The following TIGD1 variants were observed in gnomAD, a reference collection of about 807,000 sequenced individuals.
The protein encoded by TIGD1 is tigger transposable element-derived protein 1.
Under a neutral mutation model 21.3 loss-of-function variants are expected in TIGD1, and 20 were observed. The observed-to-expected ratio is 0.94, with a 90% CI of 0.66 to 1.36. The LOEUF (loss-of-function observed/expected upper bound fraction) is 1.36. Among genes scored for constraint, TIGD1 ranks in the 40% most tolerant of loss-of-function variants. The probability of loss-of-function intolerance (pLI) is 0.00; values close to 1 mark genes in which losing one functional copy is unlikely to be tolerated. For synonymous variants in TIGD1, 177 were observed against 123.2 expected, an observed-to-expected ratio of 1.44 and a Z score of -2.89; for missense variants, 556 against 350.5, an observed-to-expected ratio of 1.59 and a Z score of -4.68.
chr2:232,548,522 G>A lies in TIGD1; in HGVS notation c.1361C>T (p.Thr454Ile), dbSNP rs1324901229. Residue 454 changes from threonine to isoleucine, a missense_variant, in exon 1 of 1, where the codon ACT (threonine) becomes ATT (isoleucine). Physicochemically the swap from Thr to Ile is moderately conservative, Grantham distance 89 (BLOSUM62 -1). Transcript: ENST00000408957. ...AAGAAACAACTCCTCATCTGTTAAA[G>A]TTTTATCATGAGATTGCAGCAATTC... ...VTELLQSHDKTLTDEELFLMD... is the reference protein window; with the variant it reads ...VTELLQSHDKILTDEELFLMD... The A allele has an allele frequency of 1.5e-6, 1 of 650,056 alleles. No individual in the cohort carries two copies. Among genetic ancestry groups the A allele is most frequent in the South Asian group, 1.7e-5 (1 of 57,170 alleles). 40.3% of individuals were successfully genotyped at this position (650,056 alleles called of 1,614,324 possible). A position where few individuals can be genotyped will look rare whatever the true frequency, so the allele number is the denominator to read the frequency against.
chr2:232,545,524 A>C lies in TIGD1; in HGVS notation c.*2583T>G. The stretch of plus-strand genomic sequence containing the variant: ...CTGGTGCCGCCGCTGGTTATCCCAC[A>C]CCTGCCTCCCACCCTCAGGGGAATG... On this transcript the variant is annotated 3_prime_UTR_variant, in exon 1 of 1. Coordinates refer to ENST00000408957, the MANE Select transcript of TIGD1 (RefSeq NM_145702.4). The C allele has an allele frequency of 6.2e-7, 1 of 1,612,146 alleles. No homozygotes were observed. Among genetic ancestry groups the C allele is most frequent in the Non-Finnish European group, 8.5e-7 (1 of 1,179,434 alleles).
chr2:232,550,531 G>A lies in TIGD1; in HGVS notation c.-649C>T. The stretch of plus-strand genomic sequence containing the variant: ...GAGGCAGAACTGAGGCCAGCAGCCA[G>A]CTCCGCCGCTGAGTCCAGCCCTCTG... On this transcript the variant is annotated 5_prime_UTR_variant, in exon 1 of 1. Transcript: ENST00000408957. The A allele has an allele frequency of 1.5e-6, 1 of 670,292 alleles. No individual in the cohort carries two copies. The highest frequency in any genetic ancestry group is 2.6e-6 in the Non-Finnish European group (1 of 391,972). 41.5% of individuals were successfully genotyped at this position (670,292 alleles called of 1,614,324 possible).
chr2:232,550,473 T>TA lies in TIGD1; in HGVS notation c.-592dup. On this transcript the variant is annotated 5_prime_UTR_variant, in exon 1 of 1. Transcript: ENST00000408957. ...GGGAGGGGGCCAGGACACGCTCCCT[T>TA]AGGAGAGCGGGCGGGTCACAAGGAC... 2 of 546,892 alleles carry TA rather than the reference T, an allele frequency of 3.7e-6. No homozygotes were observed. Among genetic ancestry groups the TA allele is most frequent in the East Asian group, 7.0e-5 (2 of 28,592 alleles). The allele number at this position is 546,892 out of a possible 1,614,324, so 33.9% of individuals were successfully genotyped here. A position where few individuals can be genotyped will look rare whatever the true frequency, so the allele number is the denominator to read the frequency against.
At position 232,550,552 on chromosome 2, in the gene TIGD1, C is replaced by A; in HGVS notation, c.-670G>T. On this transcript the variant is annotated 5_prime_UTR_variant, in exon 1 of 1. It adds an upstream start codon to the 5' untranslated region. Transcript: ENST00000408957. ...GCCAGCTCCGCCGCTGAGTCCAGCCCTCTGCGCAGCCGCCCTGAGCTGGCG... is the reference window on the plus strand; with the variant it reads ...GCCAGCTCCGCCGCTGAGTCCAGCCATCTGCGCAGCCGCCCTGAGCTGGCG... 1.2e-6 allele frequency: 1 copy of A among 842,482 alleles called. No individual in the cohort carries two copies. Among genetic ancestry groups the A allele is most frequent in the South Asian group, 1.5e-5 (1 of 65,630 alleles). The allele number at this position is 842,482 out of a possible 1,614,324, so 52.2% of individuals were successfully genotyped here.
At position 232,548,074 on chromosome 2, in the gene TIGD1, T is replaced by G. The variant is rs1019134101; in HGVS notation, c.*33A>C. On this transcript the variant is annotated 3_prime_UTR_variant, in exon 1 of 1. Transcript: ENST00000408957. ...ATAAAACAATATACATACCTAAATT[T>G]AAAAATACTTTATTGCTAAAAAATG... 5.6e-5 allele frequency: 34 copies of G among 605,088 alleles called. No individual in the cohort carries two copies. Among genetic ancestry groups the G allele is most frequent in the Admixed American group, 4.9e-4 (14 of 28,852 alleles). The allele number at this position is 605,088 out of a possible 1,614,324, so 37.5% of individuals were successfully genotyped here. A position where few individuals can be genotyped will look rare whatever the true frequency, so the allele number is the denominator to read the frequency against.
chr2:232,548,112 C>A lies in TIGD1; in HGVS notation c.1771G>T (p.Asp591Tyr). The A allele has an allele frequency of 1.3e-6, 1 of 742,626 alleles. No individual in the cohort carries two copies. The highest frequency in any genetic ancestry group is 2.1e-6 in the Non-Finnish European group (1 of 473,798). 46.0% of individuals were successfully genotyped at this position (742,626 alleles called of 1,614,324 possible). The change falls in exon 1 of 1, where the codon GAT becomes TAT. Residue 591 changes from aspartate (D) to tyrosine (Y), a missense_variant. Transcript: ENST00000408957. ...TTGCTAAAAAATGCTGATTATCAAT[C>A]TGAGCCTTCGGTGAGTCGTACTCTT... ...AKRVRLTEGS[D>Y] is the part of the protein sequence containing the mutation.
In TIGD1 at chr2:232,549,345, T is replaced by C. The variant is rs1692218558; in HGVS notation, c.538A>G (p.Lys180Glu). The part of the protein sequence containing the change: ...AKIIDEGGYT[K>E]QQIFNVDETA... The stretch of plus-strand genomic sequence containing the variant: ...TCATCTACATTGAAAATCTGTTGTT[T>C]AGTGTAGCCACCTTCGTCAATGATC... The change falls in exon 1 of 1, where the codon AAA becomes GAA. Residue 180 changes from lysine (K) to glutamate (E), a missense_variant. Coordinates refer to ENST00000408957, the MANE Select transcript of TIGD1 (RefSeq NM_145702.4). 1.5e-6 allele frequency: 1 copy of C among 654,276 alleles called. No individual in the cohort carries two copies. Among genetic ancestry groups the C allele is most frequent in the Non-Finnish European group, 2.7e-6 (1 of 364,728 alleles). 40.5% of individuals were successfully genotyped at this position (654,276 alleles called of 1,614,324 possible).
In TIGD1 at chr2:232,550,308, CA is replaced by C. The variant is rs1030390884; in HGVS notation, c.-427del. 3.4e-5 allele frequency: 11 copies of C among 327,480 alleles called. 1 individual carries two copies. In the South Asian group the frequency reaches 4.9e-4, roughly 14 times the overall value. The allele number at this position is 327,480 out of a possible 1,614,324, so 20.3% of individuals were successfully genotyped here. A position where few individuals can be genotyped will look rare whatever the true frequency, so the allele number is the denominator to read the frequency against. On this transcript the variant is annotated 5_prime_UTR_variant, in exon 1 of 1. Transcript: ENST00000408957. ...CATAGTACAGTGGCGCCGCGACCGA[CA>C]AAGGAAAGCCTCCGGGAGGTCAAAA...
rs763847392 is a variant in TIGD1 at position 232,544,769 on chromosome 2, CA to C, written c.*3337del. On this transcript the variant is annotated 3_prime_UTR_variant, in exon 1 of 1. Transcript: ENST00000408957. ...CCCAAACCTTACCCTTTCTCTTTATCAGAGAAAGGCCCGGAGTTAGGGCTGA... is the reference window on the plus strand; with the variant it reads ...CCCAAACCTTACCCTTTCTCTTTATCGAGAAAGGCCCGGAGTTAGGGCTGA... 1.9e-6 allele frequency: 3 copies of C among 1,613,874 alleles called. No homozygotes were observed. Among genetic ancestry groups the C allele is most frequent in the Non-Finnish European group, 2.5e-6 (3 of 1,179,896 alleles).
rs1225728597 is a variant in TIGD1, at chr2:232,545,330, AAAGG to A, written c.*2773_*2776del. Among the ~76,000 whole-genome samples the A allele has an allele frequency of 2.1e-4, 32 of 149,932 alleles. No individual in the cohort carries two copies. The highest frequency in any genetic ancestry group is 3.4e-3 in the Middle Eastern group (1 of 294). ...TGAGACTCCGTCTCAAAAAAAAAAA[AAAGG>A]AAAGAAAGAAAGAAAAAGGAACAGG... On this transcript the variant is annotated 3_prime_UTR_variant, in exon 1 of 1. Transcript: ENST00000408957.
At position 232,550,294 on chromosome 2, in the gene TIGD1, G is replaced by A. The variant is rs1692254328; in HGVS notation, c.-412C>T. Reference sequence around the variant, plus strand: ...AAAACGAGGTATGCCATAGTACAGTGGCGCCGCGACCGACAAAGGAAAGCC... The same window carrying A: ...AAAACGAGGTATGCCATAGTACAGTAGCGCCGCGACCGACAAAGGAAAGCC... On this transcript the variant is annotated 5_prime_UTR_variant, in exon 1 of 1. Transcript: ENST00000408957. 3.1e-6 allele frequency: 1 copy of A among 325,364 alleles called. No homozygotes were observed. The highest frequency in any genetic ancestry group is 2.2e-5 in the African/African-American group (1 of 45,728). The allele number at this position is 325,364 out of a possible 1,614,324, so 20.2% of individuals were successfully genotyped here.
rs1257615475 is a variant in TIGD1 at position 232,547,012 on chromosome 2, C to G, written c.*1095G>C. On this transcript the variant is annotated 3_prime_UTR_variant, in exon 1 of 1. Transcript: ENST00000408957. ...GAGGCAAGGTCCTGCTCTGAGATTA[C>G]AGCCGGCACACGAGTTTGGCTGGTA... is the stretch of plus-strand genomic sequence containing the variant. Among the ~76,000 whole-genome samples, 1 of 152,172 alleles carries G rather than the reference C, an allele frequency of 6.6e-6. No individual in the cohort carries two copies. Among genetic ancestry groups the G allele is most frequent in the Non-Finnish European group, 1.5e-5 (1 of 68,032 alleles).
rs72991944 is a variant in TIGD1 at position 232,546,512 on chromosome 2, T to C, written c.*1595A>G. The C allele has an allele frequency of 0.18, 26,846 of 151,940 alleles. 2,586 individuals are homozygous for C. Among genetic ancestry groups the C allele is most frequent in the Middle Eastern group, 0.26 (76 of 294 alleles). The allele number at this position is 151,940 out of a possible 1,614,324, so 9.4% of individuals were successfully genotyped here. A position where few individuals can be genotyped will look rare whatever the true frequency, so the allele number is the denominator to read the frequency against. ...ACAGGCATGCACCACTACACCCAGCTACTTTTAAATTTTTAGTAGAGATGA... is the reference window on the plus strand; with the variant it reads ...ACAGGCATGCACCACTACACCCAGCCACTTTTAAATTTTTAGTAGAGATGA... On this transcript the variant is annotated 3_prime_UTR_variant, in exon 1 of 1. Coordinates refer to ENST00000408957, the MANE Select transcript of TIGD1 (RefSeq NM_145702.4).
In TIGD1 at chr2:232,546,509, AG is replaced by A. The variant is rs1176487497; in HGVS notation, c.*1597del. ...ACCACAGGCATGCACCACTACACCC[AG>A]CTACTTTTAAATTTTTAGTAGAGAT... is the stretch of plus-strand genomic sequence containing the variant. On this transcript the variant is annotated 3_prime_UTR_variant, in exon 1 of 1. Transcript: ENST00000408957. 2 of 152,078 alleles carry A rather than the reference AG, an allele frequency of 1.3e-5. No individual in the cohort carries two copies. The highest frequency in any genetic ancestry group is 4.8e-5 in the African/African-American group (2 of 41,288). The allele number at this position is 152,078 out of a possible 1,614,324, so 9.4% of individuals were successfully genotyped here.
chr2:232,544,703 G>A lies in TIGD1; in HGVS notation c.*3404C>T, dbSNP rs1692091511. On this transcript the variant is annotated 3_prime_UTR_variant, in exon 1 of 1. Transcript: ENST00000408957. ...GGGAGAGAGGAGCTGGGGTCCCTAAGGAGAGGCCATCTTCTCTGCCTGTTT... is the reference window on the plus strand; with the variant it reads ...GGGAGAGAGGAGCTGGGGTCCCTAAAGAGAGGCCATCTTCTCTGCCTGTTT... The A allele has an allele frequency of 1.9e-6, 3 of 1,597,252 alleles. No individual in the cohort carries two copies. The highest frequency in any genetic ancestry group is 1.8e-4 in the Middle Eastern group (1 of 5,534).
In TIGD1 at chr2:232,545,845, A is replaced by C; in HGVS notation, c.*2262T>G. On this transcript the variant is annotated 3_prime_UTR_variant, in exon 1 of 1. Transcript: ENST00000408957. The stretch of plus-strand genomic sequence containing the variant: ...GTGCCCTTCAGGACTGTGTGAGCCA[A>C]ACAGCCCTGAGAAAAGCTGGGGAAA... 9.4e-7 allele frequency: 1 copy of C among 1,069,176 alleles called. No homozygotes were observed. Among genetic ancestry groups the C allele is most frequent in the Non-Finnish European group, 1.4e-6 (1 of 708,846 alleles). 66.2% of individuals were successfully genotyped at this position (1,069,176 alleles called of 1,614,324 possible).
Position 232,548,460 on chromosome 2 carries a change from A to G in TIGD1, c.1423T>C (p.Ser475Pro), listed in dbSNP as rs1456614997. ...AQRKWFLEME[S>P]TPGEDAVNIV... ...TTCACAGCATCTTCACCAGGTGTAG[A>G]TTCCATCTCAAGAAACCACTTTCTT... is the stretch of plus-strand genomic sequence containing the variant. Residue 475 changes from serine to proline, a missense_variant, in exon 1 of 1, where the codon TCT becomes CCT. Ser to Pro is a moderately conservative substitution (Grantham distance 74, BLOSUM62 -1). Transcript: ENST00000408957. 3 of 692,410 alleles carry G rather than the reference A, an allele frequency of 4.3e-6. No homozygotes were observed. The East Asian group carries it at 8.1e-5, about 19-fold the overall frequency. The allele number at this position is 692,410 out of a possible 1,614,324, so 42.9% of individuals were successfully genotyped here.
rs1692242379 is a variant in TIGD1 at position 232,549,910 on chromosome 2, A to T, written c.-28T>A. The T allele has an allele frequency of 2.5e-6, 3 of 1,207,916 alleles. No homozygotes were observed. Among genetic ancestry groups the T allele is most frequent in the Non-Finnish European group, 3.4e-6 (3 of 871,656 alleles). The allele number at this position is 1,207,916 out of a possible 1,614,324, so 74.8% of individuals were successfully genotyped here. A position where few individuals can be genotyped will look rare whatever the true frequency, so the allele number is the denominator to read the frequency against. On this transcript the variant is annotated 5_prime_UTR_variant, in exon 1 of 1. Transcript: ENST00000408957. ...CAGAGTCATTAATTCGCCTAATCTC[A>T]ATATTGTTGTGTCTCAGGGAATAGG...
chr2:232,544,626 C>T lies in TIGD1; in HGVS notation c.*3481G>A, dbSNP rs759227113. ...CTGGGGACAGTCCTCCCCTGGGACC[C>T]CAGCTGGGGAGCCAGGCACAGCAGA... On this transcript the variant is annotated 3_prime_UTR_variant, in exon 1 of 1. Transcript: ENST00000408957. The T allele has an allele frequency of 6.3e-7, 1 of 1,581,546 alleles. No individual in the cohort carries two copies. The highest frequency in any genetic ancestry group is 1.1e-5 in the South Asian group (1 of 90,318).
Sources: gnomAD v4.1 joint callset for allele counts (sites outside exome capture counted in the v4.1 genomes callset) on GRCh38, gnomAD v4.1.1 for gene constraint, MANE v1.5 for transcripts, NCBI Gene and HGNC (gene_info 2026-07-23, HGNC 2026-07-21) for gene names.